Variants in ABCB5 observed in about 807,000 individuals in gnomAD.
The protein encoded by ABCB5 is ATP binding cassette subfamily B member 5, also known as ATP-binding cassette sub-family B member 5.
A neutral mutation model predicts 144.2 loss-of-function variants in ABCB5; 155 were observed. The ratio of observed to expected loss-of-function variants is 1.08; its 90% CI spans 0.94 to 1.23. The LOEUF is 1.23. Ranked by LOEUF, ABCB5 falls within the 50% of genes most tolerant of loss-of-function variation. The probability of loss-of-function intolerance (pLI) is 0.00; values close to 1 mark genes in which losing one functional copy is unlikely to be tolerated. For missense variants in ABCB5, 1,830 were observed against 1,520.8 expected, an observed-to-expected ratio of 1.20 and a Z score of -3.38; for synonymous variants, 610 against 528.6, an observed-to-expected ratio of 1.15 and a Z score of -2.11.
chr7:20,736,310 C>A (rs552272910), intron 23 of ABCB5, among the ~76,000 whole-genome samples: 3 of 152,108 alleles, frequency 2.0e-5, no homozygotes, highest in African/African-American at 7.2e-5. Context: ...CTCCACCTCC[C>A]GGGTTCAAGC....
rs768087628 is a variant in ABCB5 at position 20,626,585 on chromosome 7, A to C, written c.82A>C (p.Lys28Gln). ...GTAEEQPKLRKEAVGSIEIFR... is the reference protein window; with the variant it reads ...GTAEEQPKLRQEAVGSIEIFR... The stretch of plus-strand genomic sequence containing the variant: ...TGCAGAAGAACAGCCAAAACTGAGA[A>C]AGGAAGCAGTTGGATCTATTGAGAT... The change falls in exon 3 of 28, where the codon AAG becomes CAG. Residue 28 changes from lysine (K) to glutamine (Q), a missense_variant. Lys to Gln is a moderately conservative substitution (Grantham distance 53). Transcript: ENST00000404938. 1.9e-6 allele frequency: 3 copies of C among 1,608,352 alleles called. No homozygotes were observed. The highest frequency in any genetic ancestry group is 2.5e-6 in the Non-Finnish European group (3 of 1,177,190).
intron 13 of ABCB5, among the ~76,000 whole-genome samples, chr7:20,653,960 A>G (rs1232861705): frequency 6.6e-6 from 1 of 152,232 alleles, no homozygotes; most frequent in Non-Finnish European, 1.5e-5. Context: ...GCCACACCTT[A>G]GGAGTCAGGA....
intron 1 of ABCB5, among the ~76,000 whole-genome samples, chr7:20,616,804 G>A (rs1783696442): frequency 6.6e-6 from 1 of 152,228 alleles, no homozygotes; most frequent in Non-Finnish European, 1.5e-5. Flanking sequence ...CATGGGGGCA[G>A]CCATCATAGT....
In ABCB5 at chr7:20,681,677, T is replaced by C. The variant is rs1246516005; in HGVS notation, c.1869+11T>C. On this transcript the variant is annotated intron_variant, in intron 15 of 27. Coordinates refer to ENST00000404938, the MANE Select transcript of ABCB5 (RefSeq NM_001163941.2). ...CTTGTGATGTCACAGGTAATGCTTA[T>C]GTGACATAATGCTATGTCAGCAGGG... is the stretch of plus-strand genomic sequence containing the variant. 6.2e-6 allele frequency: 10 copies of C among 1,612,414 alleles called. No individual in the cohort carries two copies. Among genetic ancestry groups the C allele is most frequent in the African/African-American group, 4.0e-5 (3 of 74,906 alleles).
At chr7:20,745,777 A>G (rs1013662562) in intron 26 of ABCB5, among the ~76,000 whole-genome samples, 6 of 151,944 alleles carry the variant, frequency 3.9e-5, no homozygotes, top group African/African-American at 1.5e-4. Flanking sequence ...CTCCTTTATC[A>G]TTTTTCTTCC....
chr7:20,647,983 A>C lies in ABCB5; in HGVS notation c.1111A>C (p.Asn371His). 6.2e-7 allele frequency: 1 copy of C among 1,604,912 alleles called. No homozygotes were observed. Among genetic ancestry groups the C allele is most frequent in the Non-Finnish European group, 8.5e-7 (1 of 1,172,220 alleles). Residue 371 changes from asparagine (N) to histidine (H), a missense_variant, in exon 11 of 28, where the codon AAC becomes CAC. Coordinates refer to ENST00000404938, the MANE Select transcript of ABCB5 (RefSeq NM_001163941.2). ...QVIDKKPSIDNFSTAGYKPES... is the reference protein window; with the variant it reads ...QVIDKKPSIDHFSTAGYKPES... ...TTTTTCCAAGAAACCCAGTATAGAT[A>C]ACTTTTCCACAGCTGGATATAAACC...
chr7:20,627,897 A>G (rs1027567459), intron 3 of ABCB5, among the ~76,000 whole-genome samples: 1 of 152,224 alleles, frequency 6.6e-6, no homozygotes. Flanking sequence ...TCTTCAGAAT[A>G]TCTTAACTTA....
At chr7:20,673,209 G>A (rs1583415686) in intron 14 of ABCB5, among the ~76,000 whole-genome samples, 2 of 152,042 alleles carry the variant, frequency 1.3e-5, no homozygotes, top group East Asian at 3.9e-4. Flanking sequence ...CTTAGTAAAT[G>A]TTTTGTGTAC....
chr7:20,755,091 A>G (rs1173449646), intron 27 of ABCB5, among the ~76,000 whole-genome samples: 1 of 152,148 alleles, frequency 6.6e-6, no homozygotes, highest in African/African-American at 2.4e-5. Flanking sequence ...CTCGGATTAC[A>G]GATGCCTGCC....
At chr7:20,750,974 A>T (rs899263230) in intron 26 of ABCB5, among the ~76,000 whole-genome samples, 37 of 152,156 alleles carry the variant, frequency 2.4e-4, no homozygotes, top group African/African-American at 8.7e-4. Flanking sequence ...ACCCAGTGGC[A>T]GCTCTCAGTC....
Position 20,667,631 on chromosome 7 carries a change from T to C in ABCB5, c.1707+8955T>C, listed in dbSNP as rs978572270. ...ACATCACGTGGCTTCATGAATAAGA[T>C]TTGAGATCTGTTTGCTTTTGGAAAA... is the stretch of plus-strand genomic sequence containing the variant. On this transcript the variant is annotated intron_variant, in intron 14 of 27. Transcript: ENST00000404938. 19 of 843,320 alleles carry C rather than the reference T, an allele frequency of 2.3e-5. No homozygotes were observed. The Admixed American group carries it at 2.5e-4, about 11-fold the overall frequency. 52.2% of individuals were successfully genotyped at this position (843,320 alleles called of 1,614,324 possible). A position where few individuals can be genotyped will look rare whatever the true frequency, so the allele number is the denominator to read the frequency against.
At chr7:20,699,972 T>C (rs1293302128) in intron 18 of ABCB5, 43 bp downstream of exon 18, 2 of 1,598,972 alleles carry the variant, frequency 1.3e-6, no homozygotes, top group African/African-American at 1.3e-5. Flanking sequence ...TACTTTTTGT[T>C]GCCATTCTTT....
chr7:20,721,054 C>A (rs1200680300), intron 20 of ABCB5, among the ~76,000 whole-genome samples: 1 of 150,738 alleles, frequency 6.6e-6, no homozygotes, highest in Non-Finnish European at 1.5e-5. Flanking sequence ...TATCCTTTCA[C>A]TATAAAATAC....
At chr7:20,666,170 C>CAAA (rs60445898) in intron 14 of ABCB5, among the ~76,000 whole-genome samples, 2 of 115,760 alleles carry the variant, frequency 1.7e-5, no homozygotes, top group Admixed American at 9.2e-5. Context: ...AACTCTGTCT[C>CAAA]AAAAAAAAAA....
At chr7:20,695,004 T>G (rs1019196588) in intron 16 of ABCB5, among the ~76,000 whole-genome samples, 1 of 151,972 alleles carries the variant, frequency 6.6e-6, no homozygotes, top group African/African-American at 2.4e-5. Flanking sequence ...AAATTCAGTA[T>G]AGTTAAGATG....
chr7:20,636,064 G>A (rs1784148962), intron 5 of ABCB5, among the ~76,000 whole-genome samples: 1 of 152,128 alleles, frequency 6.6e-6, no homozygotes, highest in African/African-American at 2.4e-5. Flanking sequence ...AGTTCTATTG[G>A]ATAGTGTTGT....
chr7:20,703,846 G>A (rs12700231), intron 19 of ABCB5, among the ~76,000 whole-genome samples: 1 of 152,044 alleles, frequency 6.6e-6, no homozygotes, highest in African/African-American at 2.4e-5. Flanking sequence ...TAATTTTGAC[G>A]TGACTCCTTC....
intron 21 of ABCB5, 45 bp downstream of exon 21, chr7:20,723,264 A>C (rs1562579955): frequency 6.4e-7 from 1 of 1,569,808 alleles, no homozygotes; most frequent in African/African-American, 1.4e-5. Flanking sequence ...TAAAGAGAAA[A>C]ACAGTCAGAA....
rs181686463 is a variant in ABCB5, at chr7:20,692,605, A to T, written c.2011-5802A>T. ...GTTACTATAAAAGAATGGTTTGTATATTTACATTTTTGATATGTTTAAAAG... is the reference window on the plus strand; with the variant it reads ...GTTACTATAAAAGAATGGTTTGTATTTTTACATTTTTGATATGTTTAAAAG... On this transcript the variant is annotated intron_variant, in intron 16 of 27. Coordinates refer to ENST00000404938, the MANE Select transcript of ABCB5 (RefSeq NM_001163941.2). Among the ~76,000 whole-genome samples, 4 of 151,898 alleles carry T rather than the reference A, an allele frequency of 2.6e-5. No homozygotes were observed. In the East Asian group the frequency reaches 7.7e-4, roughly 29 times the overall value.
Sources: allele counts gnomAD v4.1 joint callset (sites outside exome capture counted in the v4.1 genomes callset), GRCh38; gene constraint gnomAD v4.1.1; transcripts MANE v1.5; gene names NCBI Gene and HGNC (gene_info 2026-07-23, HGNC 2026-07-21).